The following CFDP1 variants were observed in gnomAD, a reference collection of about 807,000 sequenced individuals.
CFDP1 encodes chromatin remodeling protein CFDP1, also known as heterochromatin-stabilizing protein CFDP1.
CFDP1 carries 31 observed loss-of-function variants against 40.1 expected under a neutral mutation model. The ratio of observed to expected loss-of-function variants is 0.77; its 90% CI spans 0.58 to 1.04. The LOEUF (loss-of-function observed/expected upper bound fraction) is 1.04. CFDP1 is among the 50% of genes least tolerant of loss of function. CFDP1 has a pLI of 0.00. For missense variants in CFDP1, 423 were observed against 343.4 expected (o/e 1.23, Z -1.83); for synonymous variants, 167 against 120.0 (o/e 1.39, Z -2.56).
intron 5 of CFDP1, among the ~76,000 whole-genome samples, chr16:75,312,864 G>T (rs995493864): frequency 6.6e-6 from 1 of 152,182 alleles, no homozygotes; most frequent in African/African-American, 2.4e-5. Context: ...AGCAGTAGAG[G>T]TACTCTAAAT....
At chr16:75,417,353 G>T (rs905722161) in intron 1 of CFDP1, among the ~76,000 whole-genome samples, 6 of 152,094 alleles carry the variant, frequency 3.9e-5, no homozygotes, top group African/African-American at 1.4e-4. Context: ...GGCTGAAAAT[G>T]CTATGGTCCA....
intron 5 of CFDP1, among the ~76,000 whole-genome samples, chr16:75,316,167 T>C (rs1207414160): frequency 1.3e-5 from 2 of 152,194 alleles, no homozygotes; most frequent in African/African-American, 4.8e-5. Context: ...GAGGCACTAG[T>C]GTCAGGTCAG....
rs971370386 is a variant in CFDP1 at position 75,371,825 on chromosome 16, G to A, written c.650+23265C>T. ...CTATATACGTTTTTAATAGTTTTAA[G>A]TTTCATTTATTTGTTAAGTCTACTG... is the stretch of plus-strand genomic sequence containing the variant. On this transcript the variant is annotated intron_variant, in intron 5 of 6. Transcript: ENST00000283882. 2.4e-4 allele frequency among the ~76,000 whole-genome samples: 37 copies of A among 152,246 alleles called. 1 individual carries two copies. The highest frequency in any genetic ancestry group is 8.9e-4 in the African/African-American group (37 of 41,562).
At chr16:75,362,187 G>C (rs763683523) in intron 5 of CFDP1, among the ~76,000 whole-genome samples, 1 of 152,182 alleles carries the variant, frequency 6.6e-6, no homozygotes, top group African/African-American at 2.4e-5. Flanking sequence ...TGCCCTACAG[G>C]CTTCAAGGCC....
chr16:75,424,194 C>T (rs990545150), intron 1 of CFDP1, among the ~76,000 whole-genome samples: 6 of 152,170 alleles, frequency 3.9e-5, no homozygotes, highest in African/African-American at 1.4e-4. Context: ...ACAATATATG[C>T]AGACTGCCAA....
intron 5 of CFDP1, among the ~76,000 whole-genome samples, chr16:75,313,905 G>A (rs1390019393): frequency 6.7e-6 from 1 of 148,996 alleles, no homozygotes; most frequent in Non-Finnish European, 1.5e-5. Context: ...TTTTTTTTTA[G>A]ACGGAGCCTT....
At chr16:75,389,450 A>C (rs1393772214) in intron 5 of CFDP1, among the ~76,000 whole-genome samples, 3 of 152,208 alleles carry the variant, frequency 2.0e-5, no homozygotes, top group Non-Finnish European at 1.5e-5. Context: ...TGCTATTTTA[A>C]ACACATGGAG....
intron 5 of CFDP1, among the ~76,000 whole-genome samples, chr16:75,318,260 G>A (rs888638398): frequency 7.2e-5 from 11 of 152,098 alleles, no homozygotes; most frequent in Admixed American, 2.0e-4. Context: ...TCCCCTGATC[G>A]TTCCCATCAG....
intron 4 of CFDP1, among the ~76,000 whole-genome samples, chr16:75,397,108 G>A (rs1214821333): frequency 6.6e-6 from 1 of 151,818 alleles, no homozygotes; most frequent in African/African-American, 2.4e-5. Flanking sequence ...TAGAGATGGG[G>A]TTTCACCGTG....
intron 1 of CFDP1, among the ~76,000 whole-genome samples, chr16:75,416,300 G>C (rs4383172): frequency 0.17 from 25,949 of 151,890 alleles, 2,387 homozygotes; most frequent in Middle Eastern, 0.22. Flanking sequence ...GATGGGGAGG[G>C]GGACAGATTA....
chr16:75,343,375 G>C (rs1384200137), intron 5 of CFDP1, among the ~76,000 whole-genome samples: 4 of 152,032 alleles, frequency 2.6e-5, no homozygotes, highest in Admixed American at 2.0e-4. Context: ...TCCTCAAGGA[G>C]TCGTGGAACA....
chr16:75,325,069 T>C (rs1322793133), intron 5 of CFDP1: 1 of 152,226 alleles, frequency 6.6e-6, no homozygotes, highest in Non-Finnish European at 1.5e-5. Flanking sequence ...ACCCACTCTT[T>C]GGGTGACTGC....
At chr16:75,375,787 T>C (rs1044485077) in intron 5 of CFDP1, among the ~76,000 whole-genome samples, 3 of 103,102 alleles carry the variant, frequency 2.9e-5, no homozygotes, top group Admixed American at 1.2e-4. Context: ...CGAGACTCCA[T>C]CTCAAAAAAA....
chr16:75,375,921 A>G (rs1202025431), intron 5 of CFDP1, among the ~76,000 whole-genome samples: 2 of 152,218 alleles, frequency 1.3e-5, no homozygotes, highest in East Asian at 1.9e-4. Flanking sequence ...GCAGTTTCTT[A>G]TAACATTAAG....
chr16:75,364,287 T>G (rs1051228620), intron 5 of CFDP1, among the ~76,000 whole-genome samples: 1 of 152,178 alleles, frequency 6.6e-6, no homozygotes, highest in Non-Finnish European at 1.5e-5. Flanking sequence ...AAGCCTCCAT[T>G]CTACCCTTTG....
At chr16:75,425,473 G>C (rs1399457350) in intron 1 of CFDP1, among the ~76,000 whole-genome samples, 2 of 151,448 alleles carry the variant, frequency 1.3e-5, no homozygotes, top group Admixed American at 6.6e-5. Context: ...AATAAAGTTG[G>C]AGTACTCTCT....
chr16:75,417,014 T>G (rs10871311), intron 1 of CFDP1, among the ~76,000 whole-genome samples: 2 of 151,470 alleles, frequency 1.3e-5, no homozygotes, highest in African/African-American at 4.9e-5. Flanking sequence ...CTAAAAAAAA[T>G]TTTTAAACAT....
intron 5 of CFDP1, among the ~76,000 whole-genome samples, chr16:75,393,656 G>A (rs963061444): frequency 5.4e-5 from 8 of 149,318 alleles, no homozygotes; most frequent in African/African-American, 7.5e-5. Context: ...GCGTGAACCC[G>A]GGAAGCGGAG....
intron 5 of CFDP1, among the ~76,000 whole-genome samples, chr16:75,316,982 CAA>C (rs201585961): frequency 0.016 from 2,364 of 150,962 alleles, 57 homozygotes; most frequent in African/African-American, 0.053. Flanking sequence ...AACTCCGTCT[CAA>C]AAAAAGATAA....
Sources: allele counts gnomAD v4.1 joint callset (sites outside exome capture counted in the v4.1 genomes callset), GRCh38; gene constraint gnomAD v4.1.1; transcripts MANE v1.5; gene names NCBI Gene and HGNC (gene_info 2026-07-23, HGNC 2026-07-21).